SLC4A5: variants seen among roughly 807,000 people sequenced by gnomAD.
The protein encoded by SLC4A5 is electrogenic sodium bicarbonate cotransporter 4.
In SLC4A5, 96 loss-of-function variants were observed where a neutral mutation model predicts 120.4. The observed-to-expected ratio is 0.80, with a 90% CI of 0.68 to 0.94. The LOEUF is 0.94. Ranked by LOEUF, SLC4A5 falls within the 40% of genes least tolerant of loss-of-function variation. SLC4A5 has a pLI of 0.00. For synonymous variants in SLC4A5, 550 were observed against 571.1 expected, an observed-to-expected ratio of 0.96 and a Z score of 0.53; for missense variants, 1,259 against 1,459.5, an observed-to-expected ratio of 0.86 and a Z score of 2.24.
chr2:74,318,053 A>G (rs1673009411), intron 5 of SLC4A5, among the ~76,000 whole-genome samples: 1 of 152,240 alleles, frequency 6.6e-6, no homozygotes. Flanking sequence ...GCAAAAATAG[A>G]CAAATGGCAC....
At chr2:74,262,279 G>C in intron 10 of SLC4A5, 47 bp from the exon 11 acceptor site, 1 of 1,544,254 alleles carries the variant, frequency 6.5e-7, no homozygotes, top group Non-Finnish European at 8.9e-7. Flanking sequence ...CCTTGCTGGT[G>C]TAGCGAAGCC....
rs1371933131 is a variant in SLC4A5 at position 74,294,337 on chromosome 2, T to C, written c.272-8435A>G. On this transcript the variant is annotated intron_variant, in intron 7 of 30. Coordinates refer to ENST00000394019, the Ensembl canonical transcript of SLC4A5. ...AAAGAGAACAACGACATCCATCTCA[T>C]TGGCGCACAAGGGAAGGAGAATCAG... Among the ~76,000 whole-genome samples, 5 of 152,294 alleles carry C rather than the reference T, an allele frequency of 3.3e-5. No homozygotes were observed. In the East Asian group the frequency reaches 5.8e-4, roughly 18 times the overall value.
intron 7 of SLC4A5, among the ~76,000 whole-genome samples, chr2:74,286,512 CTTTT>C (rs1216753692): frequency 6.6e-6 from 1 of 152,234 alleles, no homozygotes; most frequent in Non-Finnish European, 1.5e-5. Context: ...TTCTTTCTCT[CTTTT>C]TCTTTCTTTT....
chr2:74,289,922 T>C (rs777260979), intron 7 of SLC4A5, among the ~76,000 whole-genome samples: 6 of 152,032 alleles, frequency 3.9e-5, no homozygotes, highest in Non-Finnish European at 8.8e-5. Context: ...TATTCACCAG[T>C]TGAAAAACTT....
chr2:74,272,033 C>T (rs943298438), intron 8 of SLC4A5, among the ~76,000 whole-genome samples: 3 of 152,006 alleles, frequency 2.0e-5, no homozygotes, highest in Admixed American at 6.6e-5. Flanking sequence ...GAGCTGTGAT[C>T]GCACCACTGC....
At chr2:74,254,802 C>T in intron 13 of SLC4A5, 96 bp from the exon 14 acceptor site, 1 of 911,226 alleles carries the variant, frequency 1.1e-6, no homozygotes, top group Non-Finnish European at 1.7e-6. Context: ...AATTCTCTGG[C>T]CCTGAACAGT....
intron 21 of SLC4A5, among the ~76,000 whole-genome samples, chr2:74,237,171 A>G (rs1389938340): frequency 6.6e-6 from 1 of 151,838 alleles, no homozygotes; most frequent in Admixed American, 6.6e-5. Flanking sequence ...AGAGACGGGG[A>G]TTCACCATGT....
At chr2:74,221,228 C>G (rs1160441396) in intron 30 of SLC4A5, among the ~76,000 whole-genome samples, 2 of 152,122 alleles carry the variant, frequency 1.3e-5, no homozygotes, top group Admixed American at 6.5e-5. Flanking sequence ...GTGTTGTAAC[C>G]ATGTTGTTAA....
chr2:74,285,450 G>A (rs1046016574), intron 8 of SLC4A5, among the ~76,000 whole-genome samples: 10 of 152,168 alleles, frequency 6.6e-5, no homozygotes, highest in South Asian at 2.1e-4. Context: ...GAATATATGC[G>A]GATTTTGCCA....
intron 7 of SLC4A5, among the ~76,000 whole-genome samples, chr2:74,292,678 G>T (rs572083914): frequency 6.6e-6 from 1 of 152,094 alleles, no homozygotes; most frequent in South Asian, 2.1e-4. Flanking sequence ...TACTGGGTGG[G>T]GACTGACTTA....
At chr2:74,266,533 T>C (rs1251776876) in intron 8 of SLC4A5, among the ~76,000 whole-genome samples, 2 of 152,182 alleles carry the variant, frequency 1.3e-5, no homozygotes, top group Non-Finnish European at 2.9e-5. Context: ...CCTCCCAAAG[T>C]TCTAGAATCA....
chr2:74,249,390 A>G (rs1483009936), intron 17 of SLC4A5, among the ~76,000 whole-genome samples: 1 of 152,188 alleles, frequency 6.6e-6, no homozygotes, highest in Non-Finnish European at 1.5e-5. Flanking sequence ...AGGAAGAGGG[A>G]ATAGTGTCTA....
chr2:74,219,193 GTGTGTGTGTGTGTGTGTGTGTGTGTGTT>G (rs1432068661), intron 30 of SLC4A5, among the ~76,000 whole-genome samples: 4 of 117,456 alleles, frequency 3.4e-5, no homozygotes, highest in African/African-American at 1.6e-4. Context: ...GTGTGTGTGT[GTGTGTGTGTGTGTGTGTGTGTGTGTGTT>G]TGTGTGTGTT....
At chr2:74,256,462 G>A (rs1670967945) in intron 12 of SLC4A5, among the ~76,000 whole-genome samples, 1 of 152,214 alleles carries the variant, frequency 6.6e-6, no homozygotes, top group African/African-American at 2.4e-5. Context: ...AAGTCTGTGG[G>A]AGACTTCCAT....
At chr2:74,274,851 C>T (rs1047018314) in intron 8 of SLC4A5, among the ~76,000 whole-genome samples, 4 of 152,148 alleles carry the variant, frequency 2.6e-5, no homozygotes, top group Non-Finnish European at 2.9e-5. Context: ...CAAATTATCA[C>T]CAAAAAGTTG....
intron 25 of SLC4A5, among the ~76,000 whole-genome samples, chr2:74,229,104 C>CTTTTTTTTTTTTTTTTTTTTTTT (rs55689286): frequency 1.0e-5 from 1 of 98,590 alleles, no homozygotes; most frequent in Non-Finnish European, 1.8e-5. Context: ...TAGATTTGAG[C>CTTTTTTTTTTTTTTTTTTTTTTT]TTTTTTTTTT....
chr2:74,265,714 G>A (rs1407242630), intron 8 of SLC4A5, among the ~76,000 whole-genome samples: 2 of 152,166 alleles, frequency 1.3e-5, no homozygotes, highest in Non-Finnish European at 2.9e-5. Context: ...GCTGGGAGCA[G>A]GAAAAATGTT....
intron 19 of SLC4A5, among the ~76,000 whole-genome samples, chr2:74,244,080 G>T (rs1237073021): frequency 6.6e-6 from 1 of 152,184 alleles, no homozygotes; most frequent in Non-Finnish European, 1.5e-5. Flanking sequence ...CCCATGGACC[G>T]GGAAAGAAAC....
At chr2:74,232,321 A>G in intron 24 of SLC4A5, 148 bp downstream of exon 24, 2 of 911,966 alleles carry the variant, frequency 2.2e-6, no homozygotes, top group East Asian at 2.6e-5. Flanking sequence ...CCCTCCCTCC[A>G]GGGATAGCAC....
Sources: allele counts gnomAD v4.1 joint callset (sites outside exome capture counted in the v4.1 genomes callset), GRCh38; gene constraint gnomAD v4.1.1; transcripts MANE v1.5; gene names NCBI Gene and HGNC (gene_info 2026-07-23, HGNC 2026-07-21).